SPOCK1: variants seen among roughly 807,000 people sequenced by gnomAD.
SPOCK1 encodes testican-1.
Under a neutral mutation model 55.3 loss-of-function variants are expected in SPOCK1, and 23 were observed. The observed-to-expected ratio is 0.42, with a 90% CI of 0.30 to 0.59. The LOEUF (loss-of-function observed/expected upper bound fraction) is 0.59, where lower values mean the gene tolerates loss of function less well. Ranked by LOEUF, SPOCK1 falls within the 20% of genes least tolerant of loss-of-function variation. SPOCK1 has a pLI of 0.22. For missense variants in SPOCK1, 499 were observed against 552.5 expected (o/e 0.90, Z 0.97); for synonymous variants, 226 against 221.0 (o/e 1.02, Z -0.20).
intron 3 of SPOCK1, among the ~76,000 whole-genome samples, chr5:137,247,733 T>C (rs989655314): frequency 6.6e-6 from 1 of 152,190 alleles, no homozygotes; most frequent in South Asian, 2.1e-4. Flanking sequence ...TGGTGAGGGC[T>C]TTCCTGCTGC....
At chr5:137,055,378 T>G (rs908463366) in intron 6 of SPOCK1, among the ~76,000 whole-genome samples, 33 of 152,242 alleles carry the variant, frequency 2.2e-4, no homozygotes, top group African/African-American at 6.7e-4. Context: ...AAAAAAACCC[T>G]CTGGGGGTAT....
At chr5:137,489,044 A>G (rs1483322276) in intron 2 of SPOCK1, among the ~76,000 whole-genome samples, 1 of 152,216 alleles carries the variant, frequency 6.6e-6, no homozygotes, top group Non-Finnish European at 1.5e-5. Context: ...ATCCTTCTAA[A>G]GGGATCCCCA....
chr5:137,452,421 A>T (rs941683017), intron 2 of SPOCK1, among the ~76,000 whole-genome samples: 1 of 152,212 alleles, frequency 6.6e-6, no homozygotes, highest in Non-Finnish European at 1.5e-5. Flanking sequence ...CTGAATCCCA[A>T]ATTATTTAGT....
At chr5:137,193,398 C>T (rs1554069327) in intron 3 of SPOCK1, among the ~76,000 whole-genome samples, 2 of 152,074 alleles carry the variant, frequency 1.3e-5, no homozygotes, top group Non-Finnish European at 2.9e-5. Flanking sequence ...ATTTTGATGT[C>T]CAGTTTTCTA....
At chr5:137,229,631 G>T (rs1286417865) in intron 3 of SPOCK1, among the ~76,000 whole-genome samples, 1 of 152,194 alleles carries the variant, frequency 6.6e-6, no homozygotes, top group South Asian at 2.1e-4. Flanking sequence ...GCTAGGAGCA[G>T]CCTTGTCACT....
intron 2 of SPOCK1, among the ~76,000 whole-genome samples, chr5:137,353,254 G>T (rs913109065): frequency 6.6e-6 from 1 of 152,120 alleles, no homozygotes; most frequent in Non-Finnish European, 1.5e-5. Flanking sequence ...GGTGATGTAC[G>T]CCTGTAGTCC....
intron 6 of SPOCK1, among the ~76,000 whole-genome samples, chr5:137,018,816 T>C (rs1032322468): frequency 6.6e-6 from 1 of 152,212 alleles, no homozygotes; most frequent in Non-Finnish European, 1.5e-5. Flanking sequence ...TAAGTTACTA[T>C]AAATGATGTT....
chr5:137,431,732 T>A (rs1051926223), intron 2 of SPOCK1, among the ~76,000 whole-genome samples: 1 of 152,234 alleles, frequency 6.6e-6, no homozygotes, highest in African/African-American at 2.4e-5. Flanking sequence ...GTTTTGTCTC[T>A]TTGCATGTGT....
intron 5 of SPOCK1, among the ~76,000 whole-genome samples, chr5:137,090,901 T>C (rs1318625507): frequency 6.6e-6 from 1 of 152,074 alleles, no homozygotes; most frequent in East Asian, 1.9e-4. Flanking sequence ...TCTGGCTCAG[T>C]TTCAAATTCC....
chr5:137,297,748 A>G (rs1287561672), intron 2 of SPOCK1, among the ~76,000 whole-genome samples: 1 of 152,162 alleles, frequency 6.6e-6, no homozygotes. Context: ...AAGGATTGTC[A>G]GAAGTTATCT....
chr5:137,021,531 T>C (rs1751572032), intron 6 of SPOCK1, among the ~76,000 whole-genome samples: 1 of 152,166 alleles, frequency 6.6e-6, no homozygotes, highest in South Asian at 2.1e-4. Context: ...CTTACACACA[T>C]TTCATAGATT....
intron 3 of SPOCK1, among the ~76,000 whole-genome samples, chr5:137,210,658 T>C (rs111462595): frequency 0.014 from 2,192 of 152,258 alleles, 51 homozygotes; most frequent in African/African-American, 0.049. Context: ...TAAGTCATCA[T>C]TGTGAGTCCC....
intron 2 of SPOCK1, among the ~76,000 whole-genome samples, chr5:137,367,138 T>C (rs1431045154): frequency 6.6e-6 from 1 of 152,202 alleles, no homozygotes; most frequent in Non-Finnish European, 1.5e-5. Context: ...GGGAACTGAG[T>C]GCCTATAGTT....
intron 2 of SPOCK1, among the ~76,000 whole-genome samples, chr5:137,310,939 G>A (rs1373220886): frequency 1.3e-5 from 2 of 152,156 alleles, no homozygotes; most frequent in East Asian, 3.8e-4. Context: ...CATGACAAAG[G>A]AACAGAAGGA....
intron 6 of SPOCK1, among the ~76,000 whole-genome samples, chr5:137,040,005 A>G (rs1322966243): frequency 1.3e-5 from 2 of 152,254 alleles, no homozygotes; most frequent in East Asian, 1.9e-4. Flanking sequence ...GTTACCTCCC[A>G]GGAGAGCTTC....
chr5:137,053,472 T>G (rs1752247144), intron 6 of SPOCK1, among the ~76,000 whole-genome samples: 1 of 152,126 alleles, frequency 6.6e-6, no homozygotes, highest in Non-Finnish European at 1.5e-5. Flanking sequence ...ATGTGCTCTA[T>G]CTCCATTAGA....
intron 3 of SPOCK1, among the ~76,000 whole-genome samples, chr5:137,215,453 C>T (rs890252024): frequency 2.6e-5 from 4 of 152,066 alleles, no homozygotes; most frequent in African/African-American, 4.8e-5. Context: ...AGCCACAGCA[C>T]CAAAATGTCT....
intron 2 of SPOCK1, among the ~76,000 whole-genome samples, chr5:137,272,267 G>C (rs1756978261): frequency 6.6e-6 from 1 of 152,176 alleles, no homozygotes; most frequent in South Asian, 2.1e-4. Context: ...CTACTTGACT[G>C]GGGGGAATAG....
At chr5:137,431,176 G>A (rs1752736189) in intron 2 of SPOCK1, among the ~76,000 whole-genome samples, 2 of 152,176 alleles carry the variant, frequency 1.3e-5, no homozygotes, top group South Asian at 4.2e-4. Flanking sequence ...TAGCCCTTCA[G>A]ACTAGTTATT....
Sources: allele counts gnomAD v4.1 joint callset (sites outside exome capture counted in the v4.1 genomes callset), GRCh38; gene constraint gnomAD v4.1.1; transcripts MANE v1.5; gene names NCBI Gene and HGNC (gene_info 2026-07-23, HGNC 2026-07-21).